The following PDE1C variants were observed in gnomAD, a reference collection of about 807,000 sequenced individuals.
PDE1C encodes the protein phosphodiesterase 1C, also known as dual specificity calcium/calmodulin-dependent 3',5'-cyclic nucleotide phosphodiesterase 1C.
Under a neutral mutation model 93.1 loss-of-function variants are expected in PDE1C, and 62 were observed. The ratio of observed to expected loss-of-function variants is 0.67; its 90% CI spans 0.54 to 0.82. The LOEUF (loss-of-function observed/expected upper bound fraction) is 0.82, where lower values mean the gene tolerates loss of function less well. PDE1C is among the 40% of genes least tolerant of loss of function. The pLI is 0.00. For synonymous variants in PDE1C, 325 were observed against 310.1 expected, an observed-to-expected ratio of 1.05 and a Z score of -0.50; for missense variants, 742 against 884.6, an observed-to-expected ratio of 0.84 and a Z score of 2.04.
the PDE1C span, among the ~76,000 whole-genome samples, chr7:31,619,996 C>T: frequency 1.1e-3 from 166 of 152,284 alleles, 1 homozygote; most frequent in African/African-American, 3.5e-3. Flanking sequence ...CACGGAGTCT[C>T]GCTGATTGCT....
intron 1 of PDE1C, among the ~76,000 whole-genome samples, chr7:32,334,813 C>T (rs984397728): frequency 6.6e-6 from 1 of 152,096 alleles, no homozygotes; most frequent in Non-Finnish European, 1.5e-5. Context: ...GGAGGACAGC[C>T]ATTCAAAATG....
intron 1 of PDE1C, among the ~76,000 whole-genome samples, chr7:32,267,663 G>A (rs1158543107): frequency 6.7e-6 from 1 of 148,320 alleles, no homozygotes; most frequent in African/African-American, 2.5e-5. Context: ...CCATCTGAAA[G>A]TAAGTCTCTT....
chr7:31,872,857 G>A (rs907985780), intron 6 of PDE1C, among the ~76,000 whole-genome samples: 1 of 152,104 alleles, frequency 6.6e-6, no homozygotes, highest in African/African-American at 2.4e-5. Flanking sequence ...GATGATAAGT[G>A]ATAGTATTTG....
At chr7:31,834,960 A>G (rs1481840468) in intron 11 of PDE1C, among the ~76,000 whole-genome samples, 1 of 152,034 alleles carries the variant, frequency 6.6e-6, no homozygotes, top group Non-Finnish European at 1.5e-5. Context: ...GTGAGAGATA[A>G]CTGAATCCTG....
chr7:31,955,353 T>A (rs946122008), intron 2 of PDE1C, among the ~76,000 whole-genome samples: 5 of 152,216 alleles, frequency 3.3e-5, no homozygotes, highest in Non-Finnish European at 7.3e-5. Flanking sequence ...AAAGTGTGTT[T>A]TCCTCTGCCT....
chr7:31,715,429 G>A, the PDE1C span, among the ~76,000 whole-genome samples: 318 of 152,250 alleles, frequency 2.1e-3, 2 homozygotes, highest in Middle Eastern at 6.8e-3. Flanking sequence ...AGTAGAGATG[G>A]GGTTTCGCCA....
chr7:31,651,192 G>C, the PDE1C span: 8 of 1,613,460 alleles, frequency 5.0e-6, no homozygotes, highest in Non-Finnish European at 6.8e-6. Flanking sequence ...AAAGTTTCCG[G>C]GAGTATTTAG....
At chr7:31,988,165 G>A (rs1220669424) in intron 2 of PDE1C, among the ~76,000 whole-genome samples, 2 of 152,162 alleles carry the variant, frequency 1.3e-5, no homozygotes, top group Non-Finnish European at 2.9e-5. Context: ...CCTCTGCCCT[G>A]CTGGGTCAGG....
chr7:31,784,335 C>CATCAT (rs910717647), intron 16 of PDE1C: 20 of 152,140 alleles, frequency 1.3e-4, no homozygotes, highest in Non-Finnish European at 2.6e-4. Context: ...ACAATAACAA[C>CATCAT]ATCATATTCA....
chr7:32,334,575 C>A (rs1158068326), intron 1 of PDE1C, among the ~76,000 whole-genome samples: 2 of 150,686 alleles, frequency 1.3e-5, no homozygotes, highest in Non-Finnish European at 2.9e-5. Context: ...GTCTTTTATC[C>A]TTTGCCCGCC....
the PDE1C span, chr7:31,643,785 C>T: frequency 1.2e-6 from 2 of 1,614,002 alleles, no homozygotes; most frequent in Non-Finnish European, 8.5e-7. Flanking sequence ...CTGCCCACTG[C>T]TGCATCTGCT....
chr7:31,861,255 T>C (rs1222708459), intron 7 of PDE1C, among the ~76,000 whole-genome samples: 1 of 152,194 alleles, frequency 6.6e-6, no homozygotes, highest in African/African-American at 2.4e-5. Context: ...CCACTCTTTT[T>C]TAGTTTCTAT....
rs576750550 is a variant in PDE1C, at chr7:31,866,071, A to T, written c.610-989T>A. Among the ~76,000 whole-genome samples the T allele has an allele frequency of 1.1e-4, 16 of 152,318 alleles. No individual in the cohort carries two copies. The South Asian group carries it at 3.3e-3, about 32-fold the overall frequency. ...GCGAAGAACATTGCAAAATGCATATACAAAATAAGGGCATCCAGAAAACTT... is the reference window on the plus strand; with the variant it reads ...GCGAAGAACATTGCAAAATGCATATTCAAAATAAGGGCATCCAGAAAACTT... On this transcript the variant is annotated intron_variant, in intron 6 of 17. Coordinates refer to ENST00000396191, the MANE Select transcript of PDE1C (RefSeq NM_001191057.4).
chr7:32,411,249 G>A (rs890393284), intron 1 of PDE1C, among the ~76,000 whole-genome samples: 7 of 152,148 alleles, frequency 4.6e-5, no homozygotes, highest in African/African-American at 7.2e-5. Flanking sequence ...TGAGCAAACC[G>A]TAGTAGAGTC....
chr7:32,091,580 C>A (rs1223483648), intron 3 of PDE1C, among the ~76,000 whole-genome samples: 1 of 152,080 alleles, frequency 6.6e-6, no homozygotes, highest in African/African-American at 2.4e-5. Context: ...GGCATAGGAA[C>A]CAGCCTCAAA....
the PDE1C span, among the ~76,000 whole-genome samples, chr7:31,698,411 A>T: frequency 6.6e-6 from 1 of 152,154 alleles, no homozygotes; most frequent in Non-Finnish European, 1.5e-5. Context: ...ACTTACCTGT[A>T]TACCAAGATG....
chr7:32,280,274 T>C (rs192455417), intron 1 of PDE1C, among the ~76,000 whole-genome samples: 141 of 152,314 alleles, frequency 9.3e-4, no homozygotes, highest in Non-Finnish European at 1.6e-3. Context: ...ATAGTGAATA[T>C]ATAATTCTCA....
intron 2 of PDE1C, among the ~76,000 whole-genome samples, chr7:31,919,435 T>C (rs1802336873): frequency 6.6e-6 from 1 of 152,158 alleles, no homozygotes; most frequent in African/African-American, 2.4e-5. Flanking sequence ...TTAAAACTTG[T>C]TAAGTACTTA....
At chr7:32,211,298 C>A (rs866312179) in intron 1 of PDE1C, among the ~76,000 whole-genome samples, 1 of 152,172 alleles carries the variant, frequency 6.6e-6, no homozygotes, top group Non-Finnish European at 1.5e-5. Context: ...AAAAAAAGAT[C>A]TAGAAGTTCT....
Sources: allele counts gnomAD v4.1 joint callset (sites outside exome capture counted in the v4.1 genomes callset), GRCh38; gene constraint gnomAD v4.1.1; transcripts MANE v1.5; gene names NCBI Gene and HGNC (gene_info 2026-07-23, HGNC 2026-07-21).